LHFPL2: variants seen among roughly 807,000 people sequenced by gnomAD.
The protein encoded by LHFPL2 is LHFPL tetraspan subfamily member 2 protein.
LHFPL2 carries 7 observed loss-of-function variants against 17.5 expected under a neutral mutation model. The observed-to-expected ratio is 0.40, with a 90% CI of 0.23 to 0.75. The LOEUF is 0.75. Among genes scored for constraint, LHFPL2 ranks in the 30% least tolerant of loss-of-function variants. The pLI, the probability that LHFPL2 is intolerant of heterozygous loss-of-function variation, is 0.37. For synonymous variants in LHFPL2, 134 were observed against 116.2 expected (o/e 1.15, Z -0.99); for missense variants, 241 against 294.8 (o/e 0.82, Z 1.34).
At chr5:78,574,995 C>T (rs1757093051) in intron 2 of LHFPL2, among the ~76,000 whole-genome samples, 1 of 152,094 alleles carries the variant, frequency 6.6e-6, no homozygotes, top group African/African-American at 2.4e-5. Flanking sequence ...ATAAAAGAAT[C>T]GAGAGACGTA....
chr5:78,546,612 T>C (rs1376448724), intron 3 of LHFPL2, among the ~76,000 whole-genome samples: 2 of 152,244 alleles, frequency 1.3e-5, no homozygotes, highest in African/African-American at 4.8e-5. Flanking sequence ...CTCCAGGACT[T>C]GCTGGTGCTT....
intron 2 of LHFPL2, among the ~76,000 whole-genome samples, chr5:78,604,430 T>G (rs892303730): frequency 2.0e-5 from 3 of 152,136 alleles, no homozygotes; most frequent in Admixed American, 2.0e-4. Flanking sequence ...CGAGCTGAGA[T>G]CATGCCACTG....
At chr5:78,621,810 T>C (rs1744865115) in intron 2 of LHFPL2, among the ~76,000 whole-genome samples, 1 of 152,130 alleles carries the variant, frequency 6.6e-6, no homozygotes, top group South Asian at 2.1e-4. Context: ...GTGTGATACA[T>C]TGCTATTCTC....
At chr5:78,598,565 T>G (rs1743902283) in intron 2 of LHFPL2, among the ~76,000 whole-genome samples, 1 of 152,250 alleles carries the variant, frequency 6.6e-6, no homozygotes, top group Non-Finnish European at 1.5e-5. Flanking sequence ...ATGTAACTCT[T>G]AAACAAAACT....
chr5:78,639,138 G>A (rs1260029245), intron 1 of LHFPL2, among the ~76,000 whole-genome samples: 1 of 152,102 alleles, frequency 6.6e-6, no homozygotes, highest in Non-Finnish European at 1.5e-5. Flanking sequence ...CCACACAGGT[G>A]TACACACAAA....
Position 78,556,973 on chromosome 5 carries a change from T to A in LHFPL2, c.-186+7840A>T, listed in dbSNP as rs548690739. Among the ~76,000 whole-genome samples, 370 of 152,140 alleles carry A rather than the reference T, an allele frequency of 2.4e-3. 1 individual carries two copies. The highest frequency in any genetic ancestry group is 6.0e-3 in the African/African-American group (247 of 41,512). On this transcript the variant is annotated intron_variant, in intron 3 of 4. Transcript: ENST00000380345. ...AGCTTCTGGCAATCCTTTTTTTTTT[T>A]TATACTTTAAGTTCTAGGGTACATG...
intron 2 of LHFPL2, among the ~76,000 whole-genome samples, chr5:78,604,664 G>A (rs1744146834): frequency 6.6e-6 from 1 of 152,146 alleles, no homozygotes; most frequent in South Asian, 2.1e-4. Flanking sequence ...AACACTACAT[G>A]CAAACCCTGA....
At position 78,488,056 on chromosome 5, in the gene LHFPL2, CAG is replaced by C. The variant is rs1300246074; in HGVS notation, c.*839_*840del. ...GACCTCAGTCCCTGGAAGGAGGAAA[CAG>C]TGAGGTTTCCTTTCGCAGTCAAAGC... On this transcript the variant is annotated 3_prime_UTR_variant, in exon 5 of 5. Coordinates refer to ENST00000380345, the MANE Select transcript of LHFPL2 (RefSeq NM_005779.3). 6.6e-6 allele frequency: 1 copy of C among 152,084 alleles called. No homozygotes were observed. 9.4% of individuals were successfully genotyped at this position (152,084 alleles called of 1,614,324 possible). A position where few individuals can be genotyped will look rare whatever the true frequency, so the allele number is the denominator to read the frequency against.
In LHFPL2 at chr5:78,510,413, G is replaced by T; in HGVS notation, c.-185-15C>A. On this transcript the variant is annotated splice_polypyrimidine_tract_variant and intron_variant, in intron 3 of 4. Transcript: ENST00000380345. ...TGCGGCCTCACCTAGGGGAGAGGGAGGGCGGTTAGCAGCGCCGCCAGGCCC... is the reference window on the plus strand; with the variant it reads ...TGCGGCCTCACCTAGGGGAGAGGGATGGCGGTTAGCAGCGCCGCCAGGCCC... The T allele has an allele frequency of 1.8e-6, 1 of 561,416 alleles. No homozygotes were observed. The highest frequency in any genetic ancestry group is 3.5e-5 in the Admixed American group (1 of 28,714). The allele number at this position is 561,416 out of a possible 1,614,324, so 34.8% of individuals were successfully genotyped here.
rs1754830891 is a variant in LHFPL2 at position 78,503,357 on chromosome 5, G to C, written c.430+6427C>G. On this transcript the variant is annotated intron_variant, in intron 4 of 4. Transcript: ENST00000380345. ...CAACTGCTATATCAGAATTTTAAGA[G>C]AGTTTGCCATTTCCTTCCAGACTTT... Among the ~76,000 whole-genome samples, 3 of 152,182 alleles carry C rather than the reference G, an allele frequency of 2.0e-5. No individual in the cohort carries two copies. The East Asian group carries it at 5.8e-4, about 29-fold the overall frequency.
chr5:78,528,606 G>A (rs1229968521), intron 3 of LHFPL2, among the ~76,000 whole-genome samples: 3 of 152,194 alleles, frequency 2.0e-5, no homozygotes, highest in Non-Finnish European at 2.9e-5. Context: ...TTTGTACACT[G>A]GTTATAGAAT....
chr5:78,566,761 C>T (rs561175165), intron 2 of LHFPL2, among the ~76,000 whole-genome samples: 49 of 152,264 alleles, frequency 3.2e-4, no homozygotes, highest in African/African-American at 1.1e-3. Context: ...CCCGGCGAAA[C>T]GATGACTTTT....
At position 78,536,429 on chromosome 5, in the gene LHFPL2, C is replaced by T. The variant is rs184657794; in HGVS notation, c.-185-26031G>A. ...AGTTCTGGCCTTTTTCTCTCCCAAA[C>T]ATGGCCTTGTCTAATTTGTTCTCCA... On this transcript the variant is annotated intron_variant, in intron 3 of 4. Transcript: ENST00000380345. 2.2e-3 allele frequency among the ~76,000 whole-genome samples: 335 copies of T among 152,362 alleles called. 2 individuals carry two copies. The highest frequency in any genetic ancestry group is 2.9e-3 in the Non-Finnish European group (199 of 68,038).
At chr5:78,580,197 TTTG>T (rs1743063358) in intron 2 of LHFPL2, among the ~76,000 whole-genome samples, 1 of 152,096 alleles carries the variant, frequency 6.6e-6, no homozygotes, top group African/African-American at 2.4e-5. Flanking sequence ...GATGGGGTTG[TTTG>T]TTTTTTTCTT....
rs578234668 is a variant in LHFPL2 at position 78,645,865 on chromosome 5, G to A, written c.-350+2634C>T. 3.3e-5 allele frequency among the ~76,000 whole-genome samples: 5 copies of A among 152,308 alleles called. No individual in the cohort carries two copies. In the South Asian group the frequency reaches 1.0e-3, roughly 32 times the overall value. On this transcript the variant is annotated intron_variant, in intron 1 of 4. Transcript: ENST00000380345. ...CAAAGTGCTGGGATTACAGGTGTGAGCCACTGTGGGCCCAGCCCCCAAGGC... is the reference window on the plus strand; with the variant it reads ...CAAAGTGCTGGGATTACAGGTGTGAACCACTGTGGGCCCAGCCCCCAAGGC...
intron 2 of LHFPL2, among the ~76,000 whole-genome samples, chr5:78,575,466 T>C (rs575365792): frequency 6.6e-6 from 1 of 152,124 alleles, no homozygotes; most frequent in Non-Finnish European, 1.5e-5. Context: ...GGAGAATCAC[T>C]TGAACCTGGG....
At chr5:78,571,303 G>A (rs975484722) in intron 2 of LHFPL2, among the ~76,000 whole-genome samples, 8 of 152,110 alleles carry the variant, frequency 5.3e-5, no homozygotes, top group South Asian at 4.1e-4. Context: ...ATCTGCCTCT[G>A]TAACTATTTT....
intron 2 of LHFPL2, among the ~76,000 whole-genome samples, chr5:78,603,723 T>G (rs1051969788): frequency 6.6e-6 from 1 of 152,060 alleles, no homozygotes; most frequent in Non-Finnish European, 1.5e-5. Context: ...ACTAAAAAAT[T>G]TTTTTCAGTT....
At chr5:78,578,585 GCACACA>G (rs61127481) in intron 2 of LHFPL2, among the ~76,000 whole-genome samples, 8,012 of 146,946 alleles carry the variant, frequency 0.055, 675 homozygotes, top group African/African-American at 0.19. Context: ...TTGCATATGT[GCACACA>G]CACACACACA....
Sources: gnomAD v4.1 joint callset for allele counts (sites outside exome capture counted in the v4.1 genomes callset) on GRCh38, gnomAD v4.1.1 for gene constraint, MANE v1.5 for transcripts, NCBI Gene and HGNC (gene_info 2026-07-23, HGNC 2026-07-21) for gene names.